NCALD: variants seen among roughly 807,000 people sequenced by gnomAD.
The protein encoded by NCALD is neurocalcin-delta.
In NCALD, 10 loss-of-function variants were observed where a neutral mutation model predicts 18.6. The observed-to-expected ratio is 0.54, with a 90% CI of 0.33 to 0.91. NCALD has a LOEUF of 0.91. Among genes scored for constraint, NCALD ranks in the 40% least tolerant of loss-of-function variants. NCALD has a pLI of 0.03. For missense variants in NCALD, 184 were observed against 247.6 expected, an observed-to-expected ratio of 0.74 and a Z score of 1.72; for synonymous variants, 88 against 87.4, an observed-to-expected ratio of 1.01 and a Z score of -0.04.
intron 2 of NCALD, among the ~76,000 whole-genome samples, chr8:101,921,420 A>T (rs1471213103): frequency 1.3e-5 from 2 of 152,070 alleles, no homozygotes; most frequent in African/African-American, 4.8e-5. Context: ...AGGTATCCCA[A>T]CTGACATGTT....
At chr8:102,058,323 C>T (rs1380813069) in intron 1 of NCALD, among the ~76,000 whole-genome samples, 4 of 152,234 alleles carry the variant, frequency 2.6e-5, no homozygotes, top group African/African-American at 9.6e-5. Context: ...ACCCAAACTC[C>T]TGTCATTCAC....
chr8:101,906,807 CA>C (rs1343125670), intron 3 of NCALD, among the ~76,000 whole-genome samples: 2 of 152,180 alleles, frequency 1.3e-5, no homozygotes, highest in Non-Finnish European at 2.9e-5. Context: ...CACCCCAGAG[CA>C]AGGGCATGGA....
chr8:101,734,359 G>A (rs968275251), intron 1 of NCALD, among the ~76,000 whole-genome samples: 1 of 152,076 alleles, frequency 6.6e-6, no homozygotes, highest in Non-Finnish European at 1.5e-5. Context: ...ATCACATCTT[G>A]TGCTTAGGAA....
chr8:101,960,099 C>T (rs954148099), intron 2 of NCALD, among the ~76,000 whole-genome samples: 17 of 152,108 alleles, frequency 1.1e-4, no homozygotes, highest in African/African-American at 3.9e-4. Flanking sequence ...TAGATGATGC[C>T]ATTTGCTAAT....
intron 2 of NCALD, among the ~76,000 whole-genome samples, chr8:101,706,316 T>TA (rs546231345): frequency 0.021 from 3,028 of 146,676 alleles, 55 homozygotes; most frequent in Non-Finnish European, 0.033. Context: ...GTAAGACTAT[T>TA]TAAAAAAAAA....
intron 1 of NCALD, among the ~76,000 whole-genome samples, chr8:101,766,769 G>T (rs191813641): frequency 6.6e-6 from 1 of 152,126 alleles, no homozygotes; most frequent in Non-Finnish European, 1.5e-5. Flanking sequence ...AGTAGAAATA[G>T]GGTATCATCA....
rs199860170 is a variant in NCALD, at chr8:101,746,334, G to A, written c.-19-26686C>T. ...AGTCATTTAATCTGCTGTAAAATGG[G>A]CAGAATAATACCTTATAAGGTATGG... is the stretch of plus-strand genomic sequence containing the variant. On this transcript the variant is annotated intron_variant, in intron 1 of 3. Transcript: ENST00000220931. Among the ~76,000 whole-genome samples the A allele has an allele frequency of 1.0e-3, 153 of 152,278 alleles. 6 individuals are homozygous for A. The East Asian group carries it at 0.02, about 20-fold the overall frequency.
At chr8:101,851,143 AAT>A in intron 4 of NCALD, among the ~76,000 whole-genome samples, 1 of 152,330 alleles carries the variant, frequency 6.6e-6, no homozygotes, top group South Asian at 2.1e-4. Flanking sequence ...ATCCCTGGAG[AAT>A]CTTACGAGAT....
chr8:101,948,722 T>C (rs894329558), intron 2 of NCALD, among the ~76,000 whole-genome samples: 9 of 152,198 alleles, frequency 5.9e-5, no homozygotes, highest in African/African-American at 1.9e-4. Context: ...GAAATGTGCA[T>C]GGCGGCCATT....
chr8:102,022,576 A>G (rs1822312202), intron 1 of NCALD, among the ~76,000 whole-genome samples: 1 of 152,186 alleles, frequency 6.6e-6, no homozygotes, highest in African/African-American at 2.4e-5. Flanking sequence ...CTCATCCTCC[A>G]GATCCTTTTC....
intron 2 of NCALD, among the ~76,000 whole-genome samples, chr8:101,708,381 C>T (rs1815629867): frequency 6.6e-6 from 1 of 152,172 alleles, no homozygotes. Context: ...GGACACCTCC[C>T]TTTTCTTTGT....
At chr8:102,075,302 C>T (rs1432008053) in intron 1 of NCALD, among the ~76,000 whole-genome samples, 2 of 152,032 alleles carry the variant, frequency 1.3e-5, no homozygotes, top group South Asian at 4.1e-4. Flanking sequence ...GGAAACATAA[C>T]TATAAAACTA....
At chr8:102,001,210 C>G (rs368911105) in intron 2 of NCALD, among the ~76,000 whole-genome samples, 1 of 152,098 alleles carries the variant, frequency 6.6e-6, no homozygotes, top group Admixed American at 6.5e-5. Flanking sequence ...AACCATGGCA[C>G]GAGAACTACG....
chr8:101,888,250 T>C (rs907617405), intron 3 of NCALD, among the ~76,000 whole-genome samples: 2 of 152,048 alleles, frequency 1.3e-5, no homozygotes, highest in African/African-American at 4.8e-5. Flanking sequence ...CAACAGTGCT[T>C]GACAATAATC....
At chr8:101,718,848 A>G (rs1465319484) in intron 2 of NCALD, among the ~76,000 whole-genome samples, 2 of 152,232 alleles carry the variant, frequency 1.3e-5, no homozygotes, top group Non-Finnish European at 2.9e-5. Flanking sequence ...TTTACATCTG[A>G]TAAGAAACAT....
chr8:101,985,646 GAAGA>G (rs1449398152), intron 2 of NCALD, among the ~76,000 whole-genome samples: 4 of 152,172 alleles, frequency 2.6e-5, no homozygotes, highest in Admixed American at 1.3e-4. Flanking sequence ...AAAATTAAAG[GAAGA>G]AAGAGGATGA....
At chr8:101,948,544 G>A (rs958171222) in intron 2 of NCALD, among the ~76,000 whole-genome samples, 2 of 152,186 alleles carry the variant, frequency 1.3e-5, no homozygotes, top group African/African-American at 4.8e-5. Flanking sequence ...ACACAGATGT[G>A]GAAGTCATTA....
At chr8:101,719,871 A>G (rs1409545811) in intron 1 of NCALD, among the ~76,000 whole-genome samples, 1 of 152,204 alleles carries the variant, frequency 6.6e-6, no homozygotes, top group Non-Finnish European at 1.5e-5. Flanking sequence ...TGACCAGAAA[A>G]TGAATACTTC....
chr8:101,817,964 CG>C (rs1320108290), intron 4 of NCALD, among the ~76,000 whole-genome samples: 1 of 152,118 alleles, frequency 6.6e-6, no homozygotes, highest in African/African-American at 2.4e-5. Flanking sequence ...TAAATCTGTA[CG>C]GTGGACTCTG....
Sources: gnomAD v4.1 joint callset for allele counts (sites outside exome capture counted in the v4.1 genomes callset) on GRCh38, gnomAD v4.1.1 for gene constraint, MANE v1.5 for transcripts, NCBI Gene and HGNC (gene_info 2026-07-23, HGNC 2026-07-21) for gene names.